Variants in ARHGAP17 observed in about 807,000 individuals in gnomAD.
The protein encoded by ARHGAP17 is rho GTPase-activating protein 17.
In ARHGAP17, 57 loss-of-function variants were observed where a neutral mutation model predicts 99.5. The observed-to-expected ratio is 0.57, with a 90% CI of 0.46 to 0.71. ARHGAP17 has a LOEUF of 0.71. ARHGAP17 is among the 30% of genes least tolerant of loss of function. ARHGAP17 has a pLI of 0.00. For missense variants in ARHGAP17, 1,000 were observed against 1,122.4 expected (o/e 0.89, Z 1.56); for synonymous variants, 417 against 429.6 (o/e 0.97, Z 0.36).
At chr16:24,997,409 C>T (rs932844211) in intron 1 of ARHGAP17, among the ~76,000 whole-genome samples, 1 of 152,276 alleles carries the variant, frequency 6.6e-6, no homozygotes, top group African/African-American at 2.4e-5. Flanking sequence ...TATTCTCTGT[C>T]ATTAGCACTT....
intron 1 of ARHGAP17, among the ~76,000 whole-genome samples, chr16:24,986,513 T>G (rs1050076408): frequency 6.6e-6 from 1 of 152,224 alleles, no homozygotes; most frequent in Non-Finnish European, 1.5e-5. Context: ...TGGTAACACA[T>G]GAAAATTTTA....
chr16:24,982,985 T>TATATATATAC (rs2052732862), intron 1 of ARHGAP17, among the ~76,000 whole-genome samples: 1 of 29,724 alleles, frequency 3.4e-5, no homozygotes, highest in African/African-American at 1.6e-4. Context: ...TATATATATA[T>TATATATATAC]ATATATATAT....
chr16:25,003,822 CA>C (rs5816273), intron 1 of ARHGAP17, among the ~76,000 whole-genome samples: 47,320 of 133,028 alleles, frequency 0.36, 8,427 homozygotes, highest in East Asian at 0.54. Context: ...GAATCCATCT[CA>C]AAAAAAAAAA....
At chr16:25,003,511 G>A (rs1329197998) in intron 1 of ARHGAP17, among the ~76,000 whole-genome samples, 1 of 152,098 alleles carries the variant, frequency 6.6e-6, no homozygotes, top group African/African-American at 2.4e-5. Context: ...ACCATGCCTG[G>A]CCTTAAAGCT....
At position 24,964,288 on chromosome 16, in the gene ARHGAP17, G is replaced by C. The variant is rs1567234786; in HGVS notation, c.482C>G (p.Ser161Cys). The stretch of plus-strand genomic sequence containing the variant: ...AAGCCCCTGAAAGTTGGTTCCTGAG[G>C]ATTTGTGAGCTTGGTTCCACCTGCA... ...VRARWNQAHK[S>C]SGTNFQGLPS... Residue 161 changes from serine (S) to cysteine (C), a missense_variant, in exon 7 of 20, where the codon TCC becomes TGC. Coordinates refer to ENST00000289968, the MANE Select transcript of ARHGAP17 (RefSeq NM_001006634.3). The C allele has an allele frequency of 6.2e-7, 1 of 1,613,608 alleles. No individual in the cohort carries two copies. The highest frequency in any genetic ancestry group is 2.2e-5 in the East Asian group (1 of 44,860).
intron 1 of ARHGAP17, among the ~76,000 whole-genome samples, chr16:25,003,652 T>C (rs1229300798): frequency 1.3e-5 from 2 of 151,958 alleles, no homozygotes; most frequent in Non-Finnish European, 2.9e-5. Context: ...GGTGAAACCC[T>C]GTCTCTACTA....
In ARHGAP17 at chr16:24,938,840, A is replaced by AGTTG. The variant is rs555154696; in HGVS notation, c.1724+523_1724+524insCAAC. 1.9e-3 allele frequency among the ~76,000 whole-genome samples: 284 copies of AGTTG among 152,294 alleles called. 3 individuals carry two copies. The highest frequency in any genetic ancestry group is 6.6e-3 in the African/African-American group (276 of 41,568). ...ATTTTCCACCTTGGACTCATGGATC[A>AGTTG]ACTGCCCTACAAGACTGAAATCTGG... On this transcript the variant is annotated intron_variant, in intron 17 of 19. Coordinates refer to ENST00000289968, the MANE Select transcript of ARHGAP17 (RefSeq NM_001006634.3).
intron 1 of ARHGAP17, among the ~76,000 whole-genome samples, chr16:24,980,446 G>A (rs1056787338): frequency 1.3e-5 from 2 of 152,156 alleles, no homozygotes; most frequent in African/African-American, 4.8e-5. Context: ...GAGGATCAGG[G>A]CCTAGAGACA....
chr16:24,930,890 T>C lies in ARHGAP17; in HGVS notation c.2409A>G (p.Pro803=). 6.2e-7 allele frequency: 1 copy of C among 1,613,820 alleles called. No homozygotes were observed. Among genetic ancestry groups the C allele is most frequent in the Non-Finnish European group, 8.5e-7 (1 of 1,179,938 alleles). Residue 803 remains proline, a synonymous_variant, in exon 19 of 20, where the codon CCA becomes CCG. Transcript: ENST00000289968. ...GTGGGGGCACGCTGGGCCGGTTCCT[T>C]GGCTTTGGTACTGGTCTCGGTCTCG... ...TLPRPRPVPK[P]RNRPSVPPPP...
intron 1 of ARHGAP17, 47 bp downstream of exon 1, chr16:25,015,162 T>TCCGCCCTCCGCCCC (rs2053752611): frequency 6.9e-6 from 8 of 1,163,954 alleles, no homozygotes; most frequent in African/African-American, 3.5e-5. Flanking sequence ...CCCTCCGCCC[T>TCCGCCCTCCGCCCC]CCGCCCCCAG....
intron 1 of ARHGAP17, among the ~76,000 whole-genome samples, chr16:24,996,707 C>T (rs1020638744): frequency 1.3e-5 from 2 of 152,120 alleles, no homozygotes; most frequent in African/African-American, 2.4e-5. Context: ...TTTCCTTTCC[C>T]GTAAAAATGG....
chr16:24,978,212 T>C (rs2052574377), intron 2 of ARHGAP17, among the ~76,000 whole-genome samples: 1 of 152,218 alleles, frequency 6.6e-6, no homozygotes, highest in African/African-American at 2.4e-5. Flanking sequence ...CATGATTTAA[T>C]TTTGATTCCA....
At chr16:25,003,692 T>C (rs1203253075) in intron 1 of ARHGAP17, among the ~76,000 whole-genome samples, 1 of 151,754 alleles carries the variant, frequency 6.6e-6, no homozygotes, top group South Asian at 2.1e-4. Flanking sequence ...GGAGTGGTAG[T>C]GCACACCTGT....
At position 24,949,440 on chromosome 16, in the gene ARHGAP17, C is replaced by T; in HGVS notation, c.1091G>A (p.Cys364Tyr). The T allele has an allele frequency of 6.2e-7, 1 of 1,613,922 alleles. No homozygotes were observed. The highest frequency in any genetic ancestry group is 1.1e-5 in the South Asian group (1 of 91,032). ...AAAATTTTGTGGTGGCAACTTCTGACATGTTCTCCACAAGTCTTGAAGTTT... is the reference window on the plus strand; with the variant it reads ...AAAATTTTGTGGTGGCAACTTCTGATATGTTCTCCACAAGTCTTGAAGTTT... Reference protein sequence around the residue: ...DKKLQDLWRTCQKLPPQNFVN... With the variant: ...DKKLQDLWRTYQKLPPQNFVN... Residue 364 changes from cysteine (C) to tyrosine (Y), a missense_variant, in exon 13 of 20, where the codon TGT becomes TAT. By Grantham distance (194) the Cys-to-Tyr change is radical. Around this residue, in one of 2 missense-constraint regions of ARHGAP17, gnomAD observed 472 missense variants for 611.1 expected, o/e 0.77. Coordinates refer to ENST00000289968, the MANE Select transcript of ARHGAP17 (RefSeq NM_001006634.3).
At chr16:24,984,479 C>T (rs1265304012) in intron 1 of ARHGAP17, among the ~76,000 whole-genome samples, 1 of 151,970 alleles carries the variant, frequency 6.6e-6, no homozygotes, top group Non-Finnish European at 1.5e-5. Context: ...ACGGTGAAAC[C>T]CCGTCTCTAC....
At chr16:24,932,021 G>C (rs1823059124) in intron 18 of ARHGAP17, among the ~76,000 whole-genome samples, 1 of 152,062 alleles carries the variant, frequency 6.6e-6, no homozygotes, top group African/African-American at 2.4e-5. Flanking sequence ...TGAGGCTGAG[G>C]TGGGAGGATC....
At chr16:24,977,399 T>C (rs2141352606) in intron 2 of ARHGAP17, 80 bp from the exon 3 acceptor site, 2 of 1,142,402 alleles carry the variant, frequency 1.8e-6, no homozygotes, top group Middle Eastern at 2.0e-4. Flanking sequence ...AAAGCATGGC[T>C]GAATCTACAT....
At chr16:24,973,978 T>C (rs1012220200) in intron 3 of ARHGAP17, among the ~76,000 whole-genome samples, 7 of 152,192 alleles carry the variant, frequency 4.6e-5, no homozygotes, top group African/African-American at 1.7e-4. Context: ...ACAATGAAGC[T>C]GATAAGGAGA....
intron 1 of ARHGAP17, 41 bp downstream of exon 1, chr16:25,015,162 TCCGCCC>T: frequency 8.6e-7 from 1 of 1,163,954 alleles, no homozygotes. Context: ...CCCTCCGCCC[TCCGCCC>T]CCAGCCCCGG....
Sources: gnomAD v4.1 joint callset for allele counts (sites outside exome capture counted in the v4.1 genomes callset) on GRCh38, gnomAD v4.1.1 for gene constraint, gnomAD v4.1.1 regional missense constraint, MANE v1.5 for transcripts, NCBI Gene and HGNC (gene_info 2026-07-23, HGNC 2026-07-21) for gene names.